The following INMT variants were observed in gnomAD, a reference collection of about 807,000 sequenced individuals.
INMT encodes amine N-methyltransferase.
In INMT, 11 loss-of-function variants were observed where a neutral mutation model predicts 11.5. The observed-to-expected ratio is 0.95, with a 90% CI of 0.60 to 1.58. The LOEUF (loss-of-function observed/expected upper bound fraction) is 1.58, where lower values mean the gene tolerates loss of function less well. Ranked by LOEUF, INMT falls within the 40% of genes most tolerant of loss-of-function variation. The pLI is 0.00. For missense variants in INMT, 316 were observed against 336.1 expected, an observed-to-expected ratio of 0.94 and a Z score of 0.47; for synonymous variants, 155 against 142.9, an observed-to-expected ratio of 1.08 and a Z score of -0.60.
intron 2 of INMT, among the ~76,000 whole-genome samples, chr7:30,755,180 G>A (rs1029838833): frequency 2.0e-5 from 3 of 152,186 alleles, no homozygotes; most frequent in African/African-American, 7.2e-5. Context: ...AGGGAAGGGG[G>A]CTCACATGGA....
At position 30,756,323 on chromosome 7, in the gene INMT, C is replaced by T. The variant is rs1024297380; in HGVS notation, c.*472C>T. 4.4e-5 allele frequency: 29 copies of T among 655,990 alleles called. No homozygotes were observed. Among genetic ancestry groups the T allele is most frequent in the African/African-American group, 3.4e-4 (17 of 49,602 alleles). 40.6% of individuals were successfully genotyped at this position (655,990 alleles called of 1,614,324 possible). ...CGATCTCGGCTCACTGCAAGCTCTGCGTCCTGGGTTGACGCCATTCTCCTG... is the reference window on the plus strand; with the variant it reads ...CGATCTCGGCTCACTGCAAGCTCTGTGTCCTGGGTTGACGCCATTCTCCTG... On this transcript the variant is annotated 3_prime_UTR_variant, in exon 3 of 3. Transcript: ENST00000013222.
chr7:30,755,036 A>G (rs572499436), intron 2 of INMT, among the ~76,000 whole-genome samples: 8 of 152,066 alleles, frequency 5.3e-5, no homozygotes, highest in Non-Finnish European at 1.2e-4. Context: ...TCATCACTCA[A>G]AATTATATTT....
Position 30,756,085 on chromosome 7 carries a change from G to GTTATCTTAGAT in INMT, c.*234_*235insTTATCTTAGAT. ...ATTTTCTAATATACTAAGCCTTACA[G>GTTATCTTAGAT]CTATCTTAGATGCGATCTGACTCCT... is the stretch of plus-strand genomic sequence containing the variant. On this transcript the variant is annotated 3_prime_UTR_variant, in exon 3 of 3. Transcript: ENST00000013222. 7.4e-7 allele frequency: 1 copy of GTTATCTTAGAT among 1,344,036 alleles called. No homozygotes were observed. The allele number at this position is 1,344,036 out of a possible 1,614,324, so 83.3% of individuals were successfully genotyped here.
Position 30,752,242 on chromosome 7 carries a change from C to T in INMT, c.92C>T (p.Pro31Leu). 1 of 1,614,120 alleles carries T rather than the reference C, an allele frequency of 6.2e-7. No individual in the cohort carries two copies. The highest frequency in any genetic ancestry group is 8.5e-7 in the Non-Finnish European group (1 of 1,180,012). Residue 31 changes from proline to leucine, a missense_variant, in exon 1 of 3, where the codon CCC becomes CTC. Physicochemically the swap from Pro to Leu is moderately conservative, Grantham distance 98. Coordinates refer to ENST00000013222, the MANE Select transcript of INMT (RefSeq NM_006774.5). ...ACTTACTACAGCTTCGATGGCAGCC[C>T]CTCACCCGAGGCCGAGATGCTGAAG... ...LATYYSFDGS[P>L]SPEAEMLKFN...
At position 30,755,461 on chromosome 7, in the gene INMT, G is replaced by T; in HGVS notation, c.402G>T (p.Ala134=). 6.2e-7 allele frequency: 1 copy of T among 1,600,086 alleles called. No homozygotes were observed. Among genetic ancestry groups the T allele is most frequent in the Middle Eastern group, 1.7e-4 (1 of 6,056 alleles). The change falls in exon 3 of 3, where the codon GCG becomes GCT. Residue 134 remains alanine (A), a synonymous_variant. Transcript: ENST00000013222. ...WEEKEEKLRA[A]VKRVLKCDVH... ...AGAAGGAGGAGAAGCTGCGGGCAGC[G>T]GTGAAGCGGGTGCTCAAGTGCGATG...
At position 30,754,029 on chromosome 7, in the gene INMT, G is replaced by T; in HGVS notation, c.362+91G>T. ...TCTTTGTTGTCTCTGACATTTTCAGGACAGTAGGACCTTCAGGTATAGGAC... is the reference window on the plus strand; with the variant it reads ...TCTTTGTTGTCTCTGACATTTTCAGTACAGTAGGACCTTCAGGTATAGGAC... On this transcript the variant is annotated intron_variant, in intron 2 of 2. Transcript: ENST00000013222. The surrounding 1 kb of genome is among the most constrained non-coding windows in gnomAD (Gnocchi z 4.9). 7.7e-7 allele frequency: 1 copy of T among 1,300,048 alleles called. No individual in the cohort carries two copies. 80.5% of individuals were successfully genotyped at this position (1,300,048 alleles called of 1,614,324 possible).
In INMT at chr7:30,755,471, G is replaced by A. The variant is rs116374800; in HGVS notation, c.412G>A (p.Val138Met). The A allele has an allele frequency of 6.2e-6, 10 of 1,601,258 alleles. No individual in the cohort carries two copies. The highest frequency in any genetic ancestry group is 8.5e-6 in the Non-Finnish European group (10 of 1,179,918). ...GAAGCTGCGGGCAGCGGTGAAGCGG[G>A]TGCTCAAGTGCGATGTCCACCTGGG... ...EEKLRAAVKR[V>M]LKCDVHLGNP... The change falls in exon 3 of 3, where the codon GTG becomes ATG. Residue 138 changes from valine to methionine, a missense_variant. Coordinates refer to ENST00000013222, the MANE Select transcript of INMT (RefSeq NM_006774.5).
chr7:30,755,357 C>T (rs1321961682), intron 2 of INMT, 65 bp from the exon 3 acceptor site: 1 of 1,388,944 alleles, frequency 7.2e-7, no homozygotes, highest in East Asian at 2.5e-5. Flanking sequence ...CTGCTGGTCA[C>T]AGTGGACTGA....
chr7:30,753,697 T>C (rs374696172), intron 1 of INMT, 34 bp from the exon 2 acceptor site: 3 of 1,593,162 alleles, frequency 1.9e-6, no homozygotes, highest in African/African-American at 2.7e-5. Context: ...CTCGTTTCTT[T>C]TACCCATCCA....
In INMT at chr7:30,756,409, T is replaced by TTTTTTTTATTTTATTTA. The variant is rs1554357948; in HGVS notation, c.*565_*566insATTTTATTTATTTTTTT. 1.1e-4 allele frequency: 17 copies of TTTTTTTTATTTTATTTA among 150,968 alleles called. No homozygotes were observed. The highest frequency in any genetic ancestry group is 4.2e-4 in the African/African-American group (16 of 37,874). 9.4% of individuals were successfully genotyped at this position (150,968 alleles called of 1,614,324 possible). ...CGCCACCACACCCAGCTAATTTTTT[T>TTTTTTTTATTTTATTTA]TTTTTTTTTTTTATTTGAGACGGAG... On this transcript the variant is annotated 3_prime_UTR_variant, in exon 3 of 3. Transcript: ENST00000013222.
Position 30,753,754 on chromosome 7 carries a change from A to G in INMT, c.178A>G (p.Ile60Val). The G allele has an allele frequency of 6.2e-7, 1 of 1,614,144 alleles. No homozygotes were observed. The highest frequency in any genetic ancestry group is 8.5e-7 in the Non-Finnish European group (1 of 1,180,036). Residue 60 changes from isoleucine to valine, a missense_variant, in exon 2 of 3, where the codon ATT (isoleucine) becomes GTT (valine). Physicochemically the swap from Ile to Val is conservative, Grantham distance 29. Transcript: ENST00000013222. Reference protein sequence around the residue: ...GPGGLQGDTLIDIGSGPTIYQ... With the variant: ...GPGGLQGDTLVDIGSGPTIYQ... ...AGGAGGCCTCCAAGGGGACACGCTG[A>G]TTGACATTGGCTCAGGTCCTACCAT...
Position 30,757,348 on chromosome 7 carries a change from G to T in INMT, c.*1497G>T. The T allele has an allele frequency of 4.4e-6, 1 of 226,374 alleles. No homozygotes were observed. The highest frequency in any genetic ancestry group is 8.7e-6 in the Non-Finnish European group (1 of 115,186). 14.0% of individuals were successfully genotyped at this position (226,374 alleles called of 1,614,324 possible). Reference sequence around the variant, plus strand: ...GGCTTGACATGGTGGGCACACTGGCGCCCAGTAAGAGAGAGAGAGAGCCAA... The same window carrying T: ...GGCTTGACATGGTGGGCACACTGGCTCCCAGTAAGAGAGAGAGAGAGCCAA... On this transcript the variant is annotated 3_prime_UTR_variant, in exon 3 of 3. Transcript: ENST00000013222.
In INMT at chr7:30,755,446, G is replaced by A; in HGVS notation, c.387G>A (p.Glu129=). The change falls in exon 3 of 3, where the codon GAG becomes GAA. Residue 129 remains glutamate (E), a synonymous_variant. Transcript: ENST00000013222. ...GCGGCCGATGGGAGGAGAAGGAGGA[G>A]AAGCTGCGGGCAGCGGTGAAGCGGG... ...GNSGRWEEKE[E]KLRAAVKRVL... is the part of the protein sequence containing the mutation. The A allele has an allele frequency of 6.9e-6, 11 of 1,598,548 alleles. No individual in the cohort carries two copies. Among genetic ancestry groups the A allele is most frequent in the Non-Finnish European group, 9.3e-6 (11 of 1,179,312 alleles).
At chr7:30,753,182 C>G (rs1786130346) in intron 1 of INMT, among the ~76,000 whole-genome samples, 1 of 152,222 alleles carries the variant, frequency 6.6e-6, no homozygotes. Context: ...CTCCTGGGGC[C>G]ATCTTCCCAG....
chr7:30,755,570 T>C lies in INMT; in HGVS notation c.511T>C (p.Cys171Arg). Residue 171 changes from cysteine to arginine, a missense_variant, in exon 3 of 3, where the codon TGT becomes CGT. Transcript: ENST00000013222. ...LTLLAMECACCSLDAYRAALC... is the reference protein window; with the variant it reads ...LTLLAMECACRSLDAYRAALC... ...CCTGCTGGCCATGGAGTGTGCCTGCTGTAGCCTTGATGCCTACCGCGCTGC... is the reference window on the plus strand; with the variant it reads ...CCTGCTGGCCATGGAGTGTGCCTGCCGTAGCCTTGATGCCTACCGCGCTGC... 6.2e-7 allele frequency: 1 copy of C among 1,613,894 alleles called. No individual in the cohort carries two copies.
chr7:30,753,464 G>T (rs150397218), intron 1 of INMT, among the ~76,000 whole-genome samples: 1 of 152,304 alleles, frequency 6.6e-6, no homozygotes, highest in East Asian at 1.9e-4. Flanking sequence ...TGGGCTAATT[G>T]TTTAACCTTT....
At position 30,754,070 on chromosome 7, in the gene INMT, G is replaced by A; in HGVS notation, c.362+132G>A. 2 of 871,894 alleles carry A rather than the reference G, an allele frequency of 2.3e-6. No individual in the cohort carries two copies. The highest frequency in any genetic ancestry group is 1.7e-5 in the South Asian group (1 of 58,654). 54.0% of individuals were successfully genotyped at this position (871,894 alleles called of 1,614,324 possible). On this transcript the variant is annotated intron_variant, in intron 2 of 2. Coordinates refer to ENST00000013222, the MANE Select transcript of INMT (RefSeq NM_006774.5). This position sits in a 1 kb window ranked among gnomAD's most constrained non-coding sequence, Gnocchi z 4.9. ...GGTATAGGACCAGATGTCCTGTGGTGGGGATAGAGTAGATGGAATCCCAAG... is the reference window on the plus strand; with the variant it reads ...GGTATAGGACCAGATGTCCTGTGGTAGGGATAGAGTAGATGGAATCCCAAG...
At chr7:30,752,676 G>T (rs2040203205) in intron 1 of INMT, among the ~76,000 whole-genome samples, 1 of 152,226 alleles carries the variant, frequency 6.6e-6, no homozygotes, top group South Asian at 2.1e-4. Context: ...CAGCAGGGTT[G>T]CAGTGGGACG....
rs1056534000 is a variant in INMT at position 30,754,031 on chromosome 7, C to T, written c.362+93C>T. 3.9e-6 allele frequency: 5 copies of T among 1,275,200 alleles called. No individual in the cohort carries two copies. In the Admixed American group the frequency reaches 5.9e-5, roughly 15 times the overall value. 79.0% of individuals were successfully genotyped at this position (1,275,200 alleles called of 1,614,324 possible). On this transcript the variant is annotated intron_variant, in intron 2 of 2. Coordinates refer to ENST00000013222, the MANE Select transcript of INMT (RefSeq NM_006774.5). This position sits in a 1 kb window ranked among gnomAD's most constrained non-coding sequence, Gnocchi z 4.9. ...TTTGTTGTCTCTGACATTTTCAGGA[C>T]AGTAGGACCTTCAGGTATAGGACCA...
Sources: allele counts gnomAD v4.1 joint callset (sites outside exome capture counted in the v4.1 genomes callset), GRCh38; gene constraint gnomAD v4.1.1; non-coding constraint Gnocchi (gnomAD v3.1); transcripts MANE v1.5; gene names NCBI Gene and HGNC (gene_info 2026-07-23, HGNC 2026-07-21).